DNAH5: variants seen among roughly 807,000 people sequenced by gnomAD.
DNAH5 encodes the protein axonemal beta dynein heavy chain 5.
DNAH5 carries 372 observed loss-of-function variants against 518.2 expected under a neutral mutation model. The ratio of observed to expected loss-of-function variants is 0.72; its 90% CI spans 0.66 to 0.78. The LOEUF (loss-of-function observed/expected upper bound fraction) is 0.78. Ranked by LOEUF, DNAH5 falls within the 30% of genes least tolerant of loss-of-function variation. The pLI is 0.00. For synonymous variants in DNAH5, 2,039 were observed against 2,025.9 expected, an observed-to-expected ratio of 1.01 and a Z score of -0.17; for missense variants, 5,523 against 5,687.0, an observed-to-expected ratio of 0.97 and a Z score of 0.93.
rs752260329 is a variant in DNAH5, at chr5:13,885,105, C to T, written c.2867G>A (p.Arg956His). The change falls in exon 19 of 79, where the codon CGC (arginine) becomes CAC (histidine). Residue 956 changes from arginine (R) to histidine (H), a missense_variant. By Grantham distance (29) the Arg-to-His change is conservative. Coordinates refer to ENST00000265104, the MANE Select transcript of DNAH5 (RefSeq NM_001369.3). ...KETEMLGEEARELLSHFNHQN... is the reference protein window; with the variant it reads ...KETEMLGEEAHELLSHFNHQN... ...ATGGTTGAAATGAGAGAGTAACTCGCGGGCTTCTTCCCCTAACATCTCAGT... is the reference window on the plus strand; with the variant it reads ...ATGGTTGAAATGAGAGAGTAACTCGTGGGCTTCTTCCCCTAACATCTCAGT... 101 of 1,614,104 alleles carry T rather than the reference C, an allele frequency of 6.3e-5. No homozygotes were observed. The highest frequency in any genetic ancestry group is 7.7e-5 in the Non-Finnish European group (91 of 1,180,036).
chr5:13,938,425 T>C (rs902990703), intron 1 of DNAH5, among the ~76,000 whole-genome samples: 1 of 152,064 alleles, frequency 6.6e-6, no homozygotes, highest in Non-Finnish European at 1.5e-5. Flanking sequence ...TTCACACAAT[T>C]TTTATTACAG....
At position 13,944,528 on chromosome 5, in the gene DNAH5, A is replaced by G. The variant is rs561232106; in HGVS notation, c.-90T>C. ...CTGCTCAACATCCAACAGGCTTCCA[A>G]ATGGAAAGTTTTACTTCCATTTTAC... On this transcript the variant is annotated 5_prime_UTR_variant, in exon 1 of 79. Coordinates refer to ENST00000265104, the MANE Select transcript of DNAH5 (RefSeq NM_001369.3). The G allele has an allele frequency of 6.2e-6, 7 of 1,127,194 alleles. No homozygotes were observed. The Admixed American group carries it at 9.1e-5, about 15-fold the overall frequency. The allele number at this position is 1,127,194 out of a possible 1,614,324, so 69.8% of individuals were successfully genotyped here. A position where few individuals can be genotyped will look rare whatever the true frequency, so the allele number is the denominator to read the frequency against.
At chr5:13,928,322 A>G in intron 2 of DNAH5, 144 bp from the exon 3 acceptor site, 1 of 637,682 alleles carries the variant, frequency 1.6e-6, no homozygotes, top group Non-Finnish European at 2.8e-6. Flanking sequence ...CCTATAAAAA[A>G]GGGAGCATTT....
chr5:13,741,742 A>G (rs1748576426), intron 65 of DNAH5, among the ~76,000 whole-genome samples: 1 of 152,194 alleles, frequency 6.6e-6, no homozygotes, highest in Non-Finnish European at 1.5e-5. Flanking sequence ...CTTCACCTGA[A>G]GACAGGTAAG....
At chr5:13,870,677 G>T in intron 24 of DNAH5, 90 bp downstream of exon 24, 3 of 1,161,940 alleles carry the variant, frequency 2.6e-6, no homozygotes, top group Non-Finnish European at 3.8e-6. Context: ...TAACCATTTA[G>T]TAACTTCACT....
chr5:13,917,596 T>G (rs1442981903), intron 7 of DNAH5, among the ~76,000 whole-genome samples: 1 of 152,214 alleles, frequency 6.6e-6, no homozygotes, highest in African/African-American at 2.4e-5. Context: ...TTTCTATCTT[T>G]CCTCTATTCT....
intron 12 of DNAH5, among the ~76,000 whole-genome samples, chr5:13,904,595 G>T (rs1316137498): frequency 1.3e-5 from 2 of 151,632 alleles, no homozygotes; most frequent in Non-Finnish European, 2.9e-5. Flanking sequence ...CTTTTAAAGA[G>T]ATATGTTTAA....
intron 58 of DNAH5, among the ~76,000 whole-genome samples, chr5:13,768,208 A>G (rs952471589): frequency 6.6e-6 from 1 of 152,080 alleles, no homozygotes; most frequent in East Asian, 1.9e-4. Context: ...GTGGGAGGTG[A>G]TTGGATCATG....
At chr5:13,802,350 G>A (rs1445034310) in intron 47 of DNAH5, among the ~76,000 whole-genome samples, 1 of 152,130 alleles carries the variant, frequency 6.6e-6, no homozygotes, top group African/African-American at 2.4e-5. Flanking sequence ...TCTTTTCTGA[G>A]CTAGAAGCCC....
At chr5:13,734,910 T>G (rs1747146513) in intron 68 of DNAH5, among the ~76,000 whole-genome samples, 1 of 152,228 alleles carries the variant, frequency 6.6e-6, no homozygotes, top group Non-Finnish European at 1.5e-5. Context: ...CAAGGGTTTT[T>G]GTTCACTGAC....
intron 39 of DNAH5, 42 bp from the exon 40 acceptor site, chr5:13,823,412 T>A (rs1762479062): frequency 1.5e-6 from 2 of 1,315,780 alleles, no homozygotes; most frequent in African/African-American, 1.4e-5. Context: ...TATTCTGGTA[T>A]AAACATATCA....
At chr5:13,866,118 T>G in intron 26 of DNAH5, 102 bp downstream of exon 26, 2 of 1,106,194 alleles carry the variant, frequency 1.8e-6, no homozygotes, top group South Asian at 2.7e-5. Context: ...CATACCATAT[T>G]CCACAATAGG....
chr5:13,700,316 G>C (rs1741921949), intron 78 of DNAH5, among the ~76,000 whole-genome samples: 1 of 152,152 alleles, frequency 6.6e-6, no homozygotes, highest in Non-Finnish European at 1.5e-5. Flanking sequence ...TCATCCCGCT[G>C]TTATCTCACT....
In DNAH5 at chr5:13,933,694, G is replaced by A. The variant is rs201470788; in HGVS notation, c.58-2450C>T. 3.1e-4 allele frequency among the ~76,000 whole-genome samples: 46 copies of A among 150,478 alleles called. 1 individual carries two copies. In the East Asian group the frequency reaches 7.0e-3, roughly 23 times the overall value. On this transcript the variant is annotated intron_variant, in intron 1 of 78. Coordinates refer to ENST00000265104, the MANE Select transcript of DNAH5 (RefSeq NM_001369.3). ...AATCCCAGCTACTTGGGAGGATGAG[G>A]CAGGAGAATCACTTGAACCCAAAAA... is the stretch of plus-strand genomic sequence containing the variant.
At chr5:13,853,149 T>G (rs576139822) in intron 30 of DNAH5, among the ~76,000 whole-genome samples, 1 of 152,274 alleles carries the variant, frequency 6.6e-6, no homozygotes, top group South Asian at 2.1e-4. Context: ...GGTGCCCCTC[T>G]CAGACAAAGC....
At position 13,844,881 on chromosome 5, in the gene DNAH5, G is replaced by A; in HGVS notation, c.5227C>T (p.Leu1743=). The change falls in exon 32 of 79, where the codon CTG becomes TTG. Residue 1743 remains leucine, a synonymous_variant. Transcript: ENST00000265104. ...GATTTAATGTTGTCAAACACATTCAGCAAATGGGCCTGTATAGTGTGGGAG... is the reference window on the plus strand; with the variant it reads ...GATTTAATGTTGTCAAACACATTCAACAAATGGGCCTGTATAGTGTGGGAG... ...SDSHTIQAHL[L]NVFDNIKSVK... The A allele has an allele frequency of 6.2e-7, 1 of 1,614,206 alleles. No homozygotes were observed. The highest frequency in any genetic ancestry group is 8.5e-7 in the Non-Finnish European group (1 of 1,180,042).
In DNAH5 at chr5:13,768,979, T is replaced by A; in HGVS notation, c.9878A>T (p.Glu3293Val). 1 of 1,614,192 alleles carries A rather than the reference T, an allele frequency of 6.2e-7. No individual in the cohort carries two copies. The highest frequency in any genetic ancestry group is 8.5e-7 in the Non-Finnish European group (1 of 1,179,996). The change falls in exon 58 of 79, where the codon GAG (glutamate) becomes GTG (valine). Residue 3293 changes from glutamate (E) to valine (V), a missense_variant. Glu to Val is a moderately radical substitution (Grantham distance 121, BLOSUM62 -2). This residue lies in a region of DNAH5 where 5,121 missense variants were observed against 5,223.3 expected (regional missense o/e 0.98). Coordinates refer to ENST00000265104, the MANE Select transcript of DNAH5 (RefSeq NM_001369.3). ...KLEAAKPALE[E>V]AEAALQTIRP... is the part of the protein sequence containing the mutation. ...ATGCACCTGCAATGCAGCTTCTGCC[T>A]CTTCTAAAGCTGGTTTTGCTGCTTC...
At chr5:13,992,430 T>G (rs4702006) in intron 1 of DNAH5, among the ~76,000 whole-genome samples, 49,676 of 152,172 alleles carry the variant, frequency 0.33, 9,380 homozygotes, top group South Asian at 0.51. Flanking sequence ...TTTGTATCAC[T>G]TTCTTGTAAA....
chr5:13,704,232 C>T (rs533535994), intron 76 of DNAH5, among the ~76,000 whole-genome samples: 323 of 152,188 alleles, frequency 2.1e-3, no homozygotes, highest in Non-Finnish European at 4.0e-3. Flanking sequence ...CCCAGCCAGC[C>T]AGCCCCTTCT....
Sources: allele counts gnomAD v4.1 joint callset (sites outside exome capture counted in the v4.1 genomes callset), GRCh38; gene constraint gnomAD v4.1.1; regional missense constraint gnomAD v4.1.1; transcripts MANE v1.5; gene names NCBI Gene and HGNC (gene_info 2026-07-23, HGNC 2026-07-21).